CHD1L: variants seen among roughly 807,000 people sequenced by gnomAD.
CHD1L encodes the protein chromodomain helicase DNA binding protein 1 like, also known as ATP-dependent chromatin remodeler CHD1L.
In CHD1L, 118 loss-of-function variants were observed where a neutral mutation model predicts 115.9. The observed-to-expected ratio is 1.02, with a 90% confidence interval of 0.88 to 1.19. The LOEUF is 1.19. CHD1L is among the 50% of genes most tolerant of loss of function. The pLI is 0.00. For missense variants in CHD1L, 1,179 were observed against 1,065.3 expected (o/e 1.11, Z -1.49); for synonymous variants, 411 against 387.1 (o/e 1.06, Z -0.72).
chr1:147,212,606 T>G, the CHD1L span: 32 of 1,445,438 alleles, frequency 2.2e-5, no homozygotes, highest in Non-Finnish European at 3.0e-5. Flanking sequence ...AGTCATTTGT[T>G]TTTTTTGCAG....
At chr1:147,287,264 G>C (rs1312789893) in intron 18 of CHD1L, among the ~76,000 whole-genome samples, 1 of 152,102 alleles carries the variant, frequency 6.6e-6, no homozygotes, top group Non-Finnish European at 1.5e-5. Flanking sequence ...CCTTTCCTGT[G>C]TACTGTTTCA....
the CHD1L span, chr1:147,215,926 CCTT>C: frequency 3.7e-6 from 6 of 1,605,270 alleles, no homozygotes; most frequent in East Asian, 9.0e-5. Flanking sequence ...ACTGGCCCTT[CCTT>C]CTTCAGGATT....
chr1:147,252,670 C>CA lies in CHD1L; in HGVS notation c.176dup (p.Arg60AlafsTer13), dbSNP rs1668791303. ...GCTGGAGGGAGTAAACTGGCTCGCC[C>CA]AGCGCTTCCATTGTCAGAATGGCTG... On this transcript the variant is annotated frameshift_variant, in exon 2 of 23. Coordinates refer to ENST00000369258, the MANE Select transcript of CHD1L (RefSeq NM_004284.6). LOFTEE classifies it high-confidence loss of function. 33 of 1,614,004 alleles carry CA rather than the reference C, an allele frequency of 2.0e-5. No homozygotes were observed. Among genetic ancestry groups the CA allele is most frequent in the Admixed American group, 6.7e-5 (4 of 60,000 alleles).
chr1:147,286,979 CCT>C (rs1553966502), intron 18 of CHD1L, among the ~76,000 whole-genome samples: 8 of 151,886 alleles, frequency 5.3e-5, no homozygotes, highest in East Asian at 3.9e-4. Flanking sequence ...CCCCATCCCC[CCT>C]GTTATTCTCT....
chr1:147,242,079 C>T (rs1664959847), upstream of CHD1L, among the ~76,000 whole-genome samples: 1 of 152,178 alleles, frequency 6.6e-6, no homozygotes, highest in South Asian at 2.1e-4. Flanking sequence ...TGCTGAGTCA[C>T]GGTGACCCCT....
At chr1:147,203,505 T>C in the CHD1L span, 3 of 866,218 alleles carry the variant, frequency 3.5e-6, no homozygotes, top group African/African-American at 1.6e-5. Flanking sequence ...TATTTCCTTC[T>C]TGAGGTACTG....
chr1:147,280,878 T>C (rs1449755531), intron 15 of CHD1L, among the ~76,000 whole-genome samples: 1 of 152,236 alleles, frequency 6.6e-6, no homozygotes, highest in East Asian at 1.9e-4. Flanking sequence ...AGATTCAATA[T>C]GGACTGGGGT....
chr1:147,191,879 T>C, the CHD1L span, among the ~76,000 whole-genome samples: 2 of 152,142 alleles, frequency 1.3e-5, no homozygotes, highest in South Asian at 4.1e-4. Flanking sequence ...TATCTCCCTT[T>C]TGGTACCAGT....
intron 10 of CHD1L, among the ~76,000 whole-genome samples, chr1:147,270,114 T>G (rs1675562742): frequency 6.6e-6 from 1 of 152,220 alleles, no homozygotes; most frequent in Non-Finnish European, 1.5e-5. Flanking sequence ...CTCTACCCAT[T>G]TGGGGCTTGA....
intron 12 of CHD1L, among the ~76,000 whole-genome samples, chr1:147,273,840 A>G (rs1306446827): frequency 6.6e-6 from 1 of 152,114 alleles, no homozygotes; most frequent in African/African-American, 2.4e-5. Context: ...GTTTTGCAGT[A>G]TTTTCATTTA....
At chr1:147,288,616 G>A (rs1483440945) in intron 19 of CHD1L, among the ~76,000 whole-genome samples, 1 of 152,190 alleles carries the variant, frequency 6.6e-6, no homozygotes, top group East Asian at 1.9e-4. Context: ...GGGAGGTGGA[G>A]GTTGCAATGA....
the CHD1L span, among the ~76,000 whole-genome samples, chr1:147,219,524 T>C: frequency 3.3e-5 from 5 of 152,046 alleles, no homozygotes. Context: ...ATAACCAACA[T>C]CATACTTAAC....
chr1:147,192,305 C>T, the CHD1L span, among the ~76,000 whole-genome samples: 58 of 152,070 alleles, frequency 3.8e-4, no homozygotes, highest in African/African-American at 1.2e-3. Flanking sequence ...TGATTTGGCT[C>T]TCTGTTTGTC....
At chr1:147,228,430 T>G in the CHD1L span, among the ~76,000 whole-genome samples, 1 of 152,222 alleles carries the variant, frequency 6.6e-6, no homozygotes, top group African/African-American at 2.4e-5. Flanking sequence ...TTGGCTTGGT[T>G]TCAAGTCTTT....
chr1:147,204,934 G>A, the CHD1L span: 1 of 1,551,452 alleles, frequency 6.4e-7, no homozygotes, highest in Non-Finnish European at 8.9e-7. Context: ...AAGCGCCATG[G>A]CCAGCCTGCA....
At chr1:147,281,308 C>T (rs1264408069) in intron 15 of CHD1L, among the ~76,000 whole-genome samples, 3 of 152,180 alleles carry the variant, frequency 2.0e-5, no homozygotes, top group African/African-American at 4.8e-5. Context: ...TTCTGGAACC[C>T]TCCTGCCCTC....
chr1:147,238,435 T>C (rs759076417), upstream of CHD1L, among the ~76,000 whole-genome samples: 15 of 152,232 alleles, frequency 9.9e-5, no homozygotes, highest in Non-Finnish European at 2.1e-4. Context: ...GTTTTGGTAA[T>C]GTCTGCACAT....
chr1:147,282,239 C>T (rs1351359593), intron 15 of CHD1L, among the ~76,000 whole-genome samples: 2 of 152,176 alleles, frequency 1.3e-5, no homozygotes, highest in Non-Finnish European at 2.9e-5. Flanking sequence ...GATGTCTTTT[C>T]ACTGGGCAAC....
At chr1:147,234,386 G>T in the CHD1L span, among the ~76,000 whole-genome samples, 2 of 152,162 alleles carry the variant, frequency 1.3e-5, no homozygotes, top group South Asian at 4.1e-4. Flanking sequence ...TATGTGCTAG[G>T]TACTTTGTTA....
Sources: gnomAD v4.1 joint callset for allele counts (sites outside exome capture counted in the v4.1 genomes callset) on GRCh38, gnomAD v4.1.1 for gene constraint, MANE v1.5 for transcripts, NCBI Gene and HGNC (gene_info 2026-07-23, HGNC 2026-07-21) for gene names.